The following MCC variants were observed in gnomAD, a reference collection of about 807,000 sequenced individuals.
The protein encoded by MCC is colorectal mutant cancer protein.
In MCC, 90 loss-of-function variants were observed where a neutral mutation model predicts 116.2. The observed-to-expected ratio is 0.77, with a 90% CI of 0.65 to 0.92. The LOEUF (loss-of-function observed/expected upper bound fraction) is 0.92, where lower values mean the gene tolerates loss of function less well. Ranked by LOEUF, MCC falls within the 40% of genes least tolerant of loss-of-function variation. The probability of loss-of-function intolerance (pLI) is 0.00; values close to 1 mark genes in which losing one functional copy is unlikely to be tolerated. For missense variants in MCC, 1,516 were observed against 1,312.2 expected, an observed-to-expected ratio of 1.16 and a Z score of -2.40; for synonymous variants, 578 against 510.5, an observed-to-expected ratio of 1.13 and a Z score of -1.78.
chr5:113,393,709 T>A (rs1244133953), intron 1 of MCC, among the ~76,000 whole-genome samples: 1 of 152,218 alleles, frequency 6.6e-6, no homozygotes. Flanking sequence ...TATGTCCTCA[T>A]TTTCTTTTCT....
intron 3 of MCC, among the ~76,000 whole-genome samples, chr5:113,338,409 T>C (rs1179222366): frequency 6.6e-6 from 1 of 152,154 alleles, no homozygotes; most frequent in Admixed American, 6.5e-5. Flanking sequence ...AGGGCTGAGC[T>C]GGCCTCCAAT....
At chr5:113,311,272 C>A (rs879762729) in intron 3 of MCC, among the ~76,000 whole-genome samples, 1 of 152,224 alleles carries the variant, frequency 6.6e-6, no homozygotes, top group Non-Finnish European at 1.5e-5. Context: ...CCCACTCTGA[C>A]TCTGGACTTG....
chr5:113,126,232 T>G (rs932043416), intron 5 of MCC, among the ~76,000 whole-genome samples: 1 of 152,186 alleles, frequency 6.6e-6, no homozygotes, highest in African/African-American at 2.4e-5. Context: ...GAGACAGGCA[T>G]TAGATTGTAC....
chr5:113,139,219 C>T (rs527320978), intron 5 of MCC, among the ~76,000 whole-genome samples: 8 of 152,260 alleles, frequency 5.3e-5, no homozygotes, highest in East Asian at 1.9e-4. Context: ...CAGTCAACAT[C>T]GCTGATTCCT....
In MCC at chr5:113,049,202, G is replaced by C; in HGVS notation, c.2546C>G (p.Ala849Gly). Reference sequence around the variant, plus strand: ...CAGGTGCTCAATGTGCACCAGGTAGGCCTGCTCCTGGGCCTCCCGCGTGCT... The same window carrying C: ...CAGGTGCTCAATGTGCACCAGGTAGCCCTGCTCCTGGGCCTCCCGCGTGCT... ...KLSTREAQEQ[A>G]YLVHIEHLKS... The change falls in exon 16 of 19, where the codon GCC (alanine) becomes GGC (glycine). Residue 849 changes from alanine to glycine, a missense_variant. Ala to Gly is a moderately conservative substitution (Grantham distance 60). Transcript: ENST00000408903. 1 of 1,614,136 alleles carries C rather than the reference G, an allele frequency of 6.2e-7. No individual in the cohort carries two copies. Among genetic ancestry groups the C allele is most frequent in the East Asian group, 2.2e-5 (1 of 44,882 alleles).
chr5:113,276,098 G>A (rs1206365307), intron 3 of MCC, among the ~76,000 whole-genome samples: 2 of 151,968 alleles, frequency 1.3e-5, no homozygotes, highest in South Asian at 2.1e-4. Context: ...GGCCCCAAAG[G>A]GTAACCAGTG....
At chr5:113,403,304 A>T (rs1769743648) in intron 1 of MCC, among the ~76,000 whole-genome samples, 1 of 152,176 alleles carries the variant, frequency 6.6e-6, no homozygotes, top group South Asian at 2.1e-4. Flanking sequence ...AGAACATTTA[A>T]GTCTATTTCA....
At chr5:113,304,238 C>T (rs1476448977) in intron 3 of MCC, among the ~76,000 whole-genome samples, 4 of 152,112 alleles carry the variant, frequency 2.6e-5, no homozygotes, top group African/African-American at 9.7e-5. Flanking sequence ...AGTGACTTAC[C>T]ACTAAAAAAT....
chr5:113,294,207 T>A (rs1766623391), intron 3 of MCC: 1 of 1,203,184 alleles, frequency 8.3e-7, no homozygotes, highest in Non-Finnish European at 1.2e-6. Flanking sequence ...TCAATTGCGC[T>A]GCCTCCAGAC....
At chr5:113,411,033 T>C (rs1414514543) in intron 1 of MCC, among the ~76,000 whole-genome samples, 2 of 152,212 alleles carry the variant, frequency 1.3e-5, no homozygotes, top group East Asian at 3.8e-4. Flanking sequence ...TGGTTCCAAG[T>C]CTTTGCTATT....
chr5:113,061,809 G>GA (rs778604928), intron 14 of MCC, among the ~76,000 whole-genome samples: 4 of 152,190 alleles, frequency 2.6e-5, no homozygotes, highest in Non-Finnish European at 1.5e-5. Context: ...GGGGAAAGGA[G>GA]ATTTGCTGGG....
At chr5:113,443,729 C>G (rs150553015) in intron 1 of MCC, among the ~76,000 whole-genome samples, 62 of 152,166 alleles carry the variant, frequency 4.1e-4, no homozygotes, top group African/African-American at 1.3e-3. Flanking sequence ...TTATCGAAGG[C>G]CTTTTCTGTA....
intron 3 of MCC, among the ~76,000 whole-genome samples, chr5:113,244,823 T>C (rs1197111254): frequency 6.6e-6 from 1 of 152,214 alleles, no homozygotes; most frequent in Non-Finnish European, 1.5e-5. Flanking sequence ...CAGATCTATA[T>C]ATTTGTATAA....
At chr5:113,452,101 A>C (rs1368087786) in intron 1 of MCC, among the ~76,000 whole-genome samples, 3 of 152,220 alleles carry the variant, frequency 2.0e-5, no homozygotes, top group African/African-American at 7.2e-5. Flanking sequence ...CCTAGACTTA[A>C]TATGACTGGG....
At chr5:113,458,329 T>A (rs6594719) in intron 1 of MCC, among the ~76,000 whole-genome samples, 1 of 149,206 alleles carries the variant, frequency 6.7e-6, no homozygotes, top group South Asian at 2.2e-4. Context: ...ACTCCAGACG[T>A]GCCGCCTTAA....
At chr5:113,433,940 G>C (rs765421466) in intron 1 of MCC, 1 of 1,613,970 alleles carries the variant, frequency 6.2e-7, no homozygotes, top group East Asian at 2.2e-5. Context: ...AGCCAGGTTC[G>C]GGGGTCCACA....
At chr5:113,115,176 C>T (rs1043728504) in intron 6 of MCC, among the ~76,000 whole-genome samples, 2 of 152,198 alleles carry the variant, frequency 1.3e-5, no homozygotes, top group African/African-American at 4.8e-5. Context: ...CCGGCCCCTG[C>T]ACACACTCAC....
chr5:113,242,238 C>A (rs1764397141), intron 3 of MCC, among the ~76,000 whole-genome samples: 1 of 152,192 alleles, frequency 6.6e-6, no homozygotes, highest in African/African-American at 2.4e-5. Flanking sequence ...AATAGCTAGG[C>A]TGAAAGACTA....
chr5:113,372,446 A>G (rs1394235981), intron 2 of MCC, among the ~76,000 whole-genome samples: 1 of 152,222 alleles, frequency 6.6e-6, no homozygotes, highest in Non-Finnish European at 1.5e-5. Flanking sequence ...AAAATATTTA[A>G]TACCTCAGAA....
Sources: gnomAD v4.1 joint callset for allele counts (sites outside exome capture counted in the v4.1 genomes callset) on GRCh38, gnomAD v4.1.1 for gene constraint, MANE v1.5 for transcripts, NCBI Gene and HGNC (gene_info 2026-07-23, HGNC 2026-07-21) for gene names.